Variants in RALGPS1 observed in about 807,000 individuals in gnomAD.
RALGPS1 encodes ras-specific guanine nucleotide-releasing factor RalGPS1.
Under a neutral mutation model 78.8 loss-of-function variants are expected in RALGPS1, and 19 were observed. That is an observed-to-expected ratio of 0.24 (90% CI 0.17 to 0.35). The LOEUF is 0.35. Ranked by LOEUF, RALGPS1 falls within the 10% of genes least tolerant of loss-of-function variation. The pLI, the probability that RALGPS1 is intolerant of heterozygous loss-of-function variation, is 1.00. For synonymous variants in RALGPS1, 228 were observed against 256.3 expected (o/e 0.89, Z 1.06); for missense variants, 454 against 688.3 (o/e 0.66, Z 3.81).
chr9:126,946,680 A>G (rs1235557055), intron 1 of RALGPS1, among the ~76,000 whole-genome samples: 1 of 151,992 alleles, frequency 6.6e-6, no homozygotes, highest in Non-Finnish European at 1.5e-5. Context: ...CCAGAATAGC[A>G]GGGCACCTCT....
chr9:127,135,165 C>T (rs778662506), intron 8 of RALGPS1, among the ~76,000 whole-genome samples: 8 of 152,198 alleles, frequency 5.3e-5, no homozygotes, highest in Admixed American at 2.0e-4. Flanking sequence ...GAGATTGACA[C>T]GTAGCCCCTG....
At chr9:127,095,028 A>T (rs1017507450) in intron 8 of RALGPS1, among the ~76,000 whole-genome samples, 5 of 152,252 alleles carry the variant, frequency 3.3e-5, no homozygotes, top group Non-Finnish European at 5.9e-5. Flanking sequence ...AGGAAGCTTT[A>T]GAAGGTCAAG....
chr9:127,049,127 G>A (rs1259675962), intron 5 of RALGPS1, among the ~76,000 whole-genome samples: 4 of 152,108 alleles, frequency 2.6e-5, no homozygotes, highest in Admixed American at 6.5e-5. Context: ...CCTATGCCCC[G>A]TGCTTTGCCT....
Position 127,211,282 on chromosome 9 carries a change from A to G in RALGPS1, c.1248-849A>G, listed in dbSNP as rs1438354918. 6.6e-6 allele frequency among the ~76,000 whole-genome samples: 1 copy of G among 151,838 alleles called. No homozygotes were observed. The highest frequency in any genetic ancestry group is 1.5e-5 in the Non-Finnish European group (1 of 67,936). On this transcript the variant is annotated intron_variant, in intron 14 of 18. Coordinates refer to ENST00000259351, the MANE Select transcript of RALGPS1 (RefSeq NM_014636.3). The surrounding 1 kb of genome is among the most constrained non-coding windows in gnomAD (Gnocchi z 5.0). ...TTGCTGTGGGCAGGTGGAGGAGAGG[A>G]GAGGGGGAGGGTGGAGGCACTGGCC...
At chr9:126,924,235 A>T (rs1284314321) in intron 1 of RALGPS1, among the ~76,000 whole-genome samples, 1 of 152,234 alleles carries the variant, frequency 6.6e-6, no homozygotes, top group Non-Finnish European at 1.5e-5. Context: ...TCCCAGATGA[A>T]AGTGTCTGCT....
At chr9:127,068,534 G>A (rs956170088) in intron 7 of RALGPS1, among the ~76,000 whole-genome samples, 17 of 152,154 alleles carry the variant, frequency 1.1e-4, no homozygotes, top group African/African-American at 3.6e-4. Flanking sequence ...GTCGCTTTGG[G>A]GGATAACTTC....
intron 11 of RALGPS1, among the ~76,000 whole-genome samples, chr9:127,175,366 C>T (rs1332363529): frequency 2.0e-5 from 3 of 152,228 alleles, no homozygotes; most frequent in Non-Finnish European, 1.5e-5. Context: ...GACTTACCTT[C>T]TCGGGTTGTT....
At chr9:127,089,056 C>T (rs1276321593) in intron 8 of RALGPS1, 2 of 1,614,056 alleles carry the variant, frequency 1.2e-6, no homozygotes, top group African/African-American at 2.7e-5. Flanking sequence ...GGTAATGGCC[C>T]CCGCGGTACC....
chr9:126,955,445 T>C (rs1178344078), intron 1 of RALGPS1, among the ~76,000 whole-genome samples: 1 of 152,160 alleles, frequency 6.6e-6, no homozygotes, highest in Non-Finnish European at 1.5e-5. Flanking sequence ...TCTCAGATAT[T>C]TTCATGTCAC....
intron 8 of RALGPS1, among the ~76,000 whole-genome samples, chr9:127,147,123 A>G (rs778741325): frequency 2.0e-5 from 3 of 152,092 alleles, no homozygotes; most frequent in Non-Finnish European, 2.9e-5. Context: ...CATTTCTCTG[A>G]TGATTAGTGA....
At chr9:127,164,258 C>CA (rs1375131622) in intron 8 of RALGPS1, among the ~76,000 whole-genome samples, 1 of 152,020 alleles carries the variant, frequency 6.6e-6, no homozygotes, top group African/African-American at 2.4e-5. Flanking sequence ...TATTATTAGG[C>CA]AGAGTCCTGC....
At chr9:126,949,274 G>C (rs928296915) in intron 1 of RALGPS1, among the ~76,000 whole-genome samples, 12 of 151,974 alleles carry the variant, frequency 7.9e-5, no homozygotes, top group African/African-American at 1.9e-4. Context: ...AATAAACATA[G>C]GTGTGCATGT....
At chr9:126,945,008 C>T (rs1028651717) in intron 1 of RALGPS1, among the ~76,000 whole-genome samples, 1 of 152,334 alleles carries the variant, frequency 6.6e-6, no homozygotes. Context: ...GTTGTAGGCA[C>T]CTGGCCTGGC....
chr9:126,934,362 A>G (rs760496786), intron 1 of RALGPS1, among the ~76,000 whole-genome samples: 12 of 152,126 alleles, frequency 7.9e-5, no homozygotes, highest in Non-Finnish European at 1.8e-4. Context: ...TGATTAGGGG[A>G]TTATGAAATC....
chr9:126,959,064 C>CTTT (rs35067123), intron 1 of RALGPS1, among the ~76,000 whole-genome samples: 27 of 136,304 alleles, frequency 2.0e-4, no homozygotes, highest in South Asian at 2.6e-4. Flanking sequence ...TCTTCTTCTT[C>CTTT]TTTTTTTTTT....
chr9:127,178,202 C>A, intron 11 of RALGPS1: 2 of 430,898 alleles, frequency 4.6e-6, no homozygotes, highest in East Asian at 5.6e-5. Flanking sequence ...GCCTCCCTTT[C>A]CTCCAGCCCT....
At chr9:126,963,253 G>C (rs973095944) in intron 2 of RALGPS1, among the ~76,000 whole-genome samples, 23 of 152,102 alleles carry the variant, frequency 1.5e-4, no homozygotes, top group African/African-American at 5.6e-4. Context: ...CGAAATCCCA[G>C]GAATGGACTC....
In RALGPS1 at chr9:127,130,885, A is replaced by T. The variant is rs534727391; in HGVS notation, c.611-35184A>T. Among the ~76,000 whole-genome samples the T allele has an allele frequency of 2.0e-5, 3 of 152,378 alleles. No homozygotes were observed. The South Asian group carries it at 6.2e-4, about 32-fold the overall frequency. On this transcript the variant is annotated intron_variant, in intron 8 of 18. Coordinates refer to ENST00000259351, the MANE Select transcript of RALGPS1 (RefSeq NM_014636.3). ...TCTGCCTATGTGATGGAGAAGGCTCAGCTCTCCAGGCCCTGGGGACCATGT... is the reference window on the plus strand; with the variant it reads ...TCTGCCTATGTGATGGAGAAGGCTCTGCTCTCCAGGCCCTGGGGACCATGT...
At chr9:127,123,575 G>C (rs1459402618) in intron 8 of RALGPS1, among the ~76,000 whole-genome samples, 2 of 152,168 alleles carry the variant, frequency 1.3e-5, no homozygotes, top group Admixed American at 1.3e-4. Context: ...TTTAGCCTGT[G>C]TTTTCATCAA....
Sources: gnomAD v4.1 joint callset for allele counts (sites outside exome capture counted in the v4.1 genomes callset) on GRCh38, gnomAD v4.1.1 for gene constraint, Gnocchi (gnomAD v3.1) non-coding constraint, MANE v1.5 for transcripts, NCBI Gene and HGNC (gene_info 2026-07-23, HGNC 2026-07-21) for gene names.